Variants in SRL observed in about 807,000 individuals in gnomAD.
SRL encodes the protein sarcalumenin.
In SRL, 23 loss-of-function variants were observed where a neutral mutation model predicts 39.5. The observed-to-expected ratio is 0.58, with a 90% CI of 0.42 to 0.82. The LOEUF (loss-of-function observed/expected upper bound fraction) is 0.82, where lower values mean the gene tolerates loss of function less well. Among genes scored for constraint, SRL ranks in the 40% least tolerant of loss-of-function variants. The probability of loss-of-function intolerance (pLI) is 0.00; values close to 1 mark genes in which losing one functional copy is unlikely to be tolerated. For synonymous variants in SRL, 272 were observed against 237.4 expected, an observed-to-expected ratio of 1.15 and a Z score of -1.34; for missense variants, 592 against 607.8, an observed-to-expected ratio of 0.97 and a Z score of 0.27.
intron 3 of SRL, among the ~76,000 whole-genome samples, chr16:4,200,622 G>A (rs1462076866): frequency 1.3e-5 from 2 of 152,316 alleles, no homozygotes. Flanking sequence ...CCAAGACTCC[G>A]GGTCTTAGGG....
intron 1 of SRL, 130 bp downstream of exon 1, chr16:4,241,877 A>T (rs2052776680): frequency 1.1e-6 from 1 of 940,522 alleles, no homozygotes; most frequent in African/African-American, 1.6e-5. Flanking sequence ...AGAGAAGGGT[A>T]AGAAGACACC....
chr16:4,238,355 C>A (rs2052734677), intron 1 of SRL, among the ~76,000 whole-genome samples: 1 of 152,144 alleles, frequency 6.6e-6, no homozygotes, highest in Admixed American at 6.5e-5. Context: ...ACGGAAACAG[C>A]TGTCCCCCTC....
At chr16:4,241,386 G>A (rs1052712950) in intron 1 of SRL, among the ~76,000 whole-genome samples, 1 of 152,172 alleles carries the variant, frequency 6.6e-6, no homozygotes, top group African/African-American at 2.4e-5. Context: ...TCTGATGGAA[G>A]CCCCCACCCC....
chr16:4,221,050 A>AT lies in SRL; in HGVS notation c.62-16417dup, dbSNP rs1419162471. 3.6e-4 allele frequency among the ~76,000 whole-genome samples: 54 copies of AT among 150,170 alleles called. 1 individual carries two copies. The highest frequency in any genetic ancestry group is 1.3e-3 in the African/African-American group (51 of 40,732). On this transcript the variant is annotated intron_variant, in intron 1 of 5. Coordinates refer to ENST00000399609, the MANE Select transcript of SRL (RefSeq NM_001098814.2). ...ATCGCCTGGGACCATGGGCTATTCC[A>AT]TTATTTTTTTTTTTTCGATACGGAG...
chr16:4,204,054 C>T (rs559595980), intron 2 of SRL, among the ~76,000 whole-genome samples: 2 of 152,326 alleles, frequency 1.3e-5, no homozygotes, highest in South Asian at 4.1e-4. Context: ...CCTCGATCCG[C>T]CACCCTCTAG....
At chr16:4,235,470 A>C (rs1420540128) in intron 1 of SRL, among the ~76,000 whole-genome samples, 1 of 152,210 alleles carries the variant, frequency 6.6e-6, no homozygotes, top group Non-Finnish European at 1.5e-5. Flanking sequence ...CCAAGGCAGG[A>C]GAATCACTTG....
intron 1 of SRL, among the ~76,000 whole-genome samples, chr16:4,213,666 C>G (rs1054442694): frequency 5.9e-5 from 9 of 152,086 alleles, no homozygotes; most frequent in African/African-American, 1.7e-4. Context: ...CCACCTCAGC[C>G]TCCCAAAGTG....
chr16:4,233,898 G>T (rs1048573820), intron 1 of SRL, among the ~76,000 whole-genome samples: 1 of 151,988 alleles, frequency 6.6e-6, no homozygotes, highest in South Asian at 2.1e-4. Context: ...CCTAAAGGGG[G>T]ACTCCCTTTA....
chr16:4,215,644 C>T (rs2052450512), intron 1 of SRL, among the ~76,000 whole-genome samples: 1 of 152,168 alleles, frequency 6.6e-6, no homozygotes, highest in African/African-American at 2.4e-5. Flanking sequence ...TAAGTCTACC[C>T]TAGGACAGTG....
intron 1 of SRL, among the ~76,000 whole-genome samples, chr16:4,212,798 C>G (rs980266598): frequency 2.0e-5 from 3 of 152,092 alleles, no homozygotes; most frequent in African/African-American, 7.2e-5. Flanking sequence ...CTGCCACCAG[C>G]CTTTCTCGGG....
intron 1 of SRL, among the ~76,000 whole-genome samples, chr16:4,233,557 T>C (rs1164632098): frequency 6.6e-6 from 1 of 152,034 alleles, no homozygotes; most frequent in East Asian, 1.9e-4. Context: ...CATAGACTGC[T>C]GGTGGGGGGG....
intron 2 of SRL, among the ~76,000 whole-genome samples, chr16:4,203,718 C>T (rs2052270791): frequency 1.3e-5 from 2 of 152,088 alleles, no homozygotes; most frequent in South Asian, 2.1e-4. Context: ...CTCTCTCCTC[C>T]TTCCTCACCT....
At chr16:4,194,774 G>A (rs1182801902) in intron 5 of SRL, among the ~76,000 whole-genome samples, 3 of 152,128 alleles carry the variant, frequency 2.0e-5, no homozygotes, top group Admixed American at 6.5e-5. Flanking sequence ...AAACCCAGAT[G>A]GCATCGCAGT....
intron 1 of SRL, chr16:4,207,224 A>C (rs1264088446): frequency 2.2e-6 from 1 of 456,642 alleles, no homozygotes; most frequent in African/African-American, 2.0e-5. Context: ...CACTTCCATC[A>C]CCACTTTCCT....
chr16:4,213,404 C>CTTTTTTT (rs1176583909), intron 1 of SRL, among the ~76,000 whole-genome samples: 185 of 69,582 alleles, frequency 2.7e-3, no homozygotes, highest in East Asian at 4.0e-3. Flanking sequence ...TTTTCTTTTT[C>CTTTTTTT]TTTTTTTTTT....
chr16:4,209,358 C>T (rs551203225), intron 1 of SRL, among the ~76,000 whole-genome samples: 1 of 152,258 alleles, frequency 6.6e-6, no homozygotes, highest in East Asian at 1.9e-4. Flanking sequence ...TTATGGGGGA[C>T]ATTGCAGGCT....
chr16:4,237,227 C>T lies in SRL; in HGVS notation c.61+4780G>A, dbSNP rs539951694. Among the ~76,000 whole-genome samples, 329 of 152,316 alleles carry T rather than the reference C, an allele frequency of 2.2e-3. 1 individual carries two copies. Among genetic ancestry groups the T allele is most frequent in the African/African-American group, 7.4e-3 (309 of 41,570 alleles). On this transcript the variant is annotated intron_variant, in intron 1 of 5. Transcript: ENST00000399609. ...AAAGTGCTGGGATTACAGGTGTGAG[C>T]CACTTCATCCAAGCCCAAACTGGAC...
At chr16:4,226,895 GATGGATGA>G (rs1041543141) in intron 1 of SRL, among the ~76,000 whole-genome samples, 39 of 152,066 alleles carry the variant, frequency 2.6e-4, no homozygotes, top group South Asian at 4.2e-4. Flanking sequence ...TGAATGGAAG[GATGGATGA>G]ATGGATGAAT....
intron 3 of SRL, among the ~76,000 whole-genome samples, chr16:4,202,509 C>T (rs2052249840): frequency 1.3e-5 from 2 of 151,492 alleles, no homozygotes; most frequent in African/African-American, 4.9e-5. Context: ...AGAAGAATGG[C>T]GTGAACCTGG....
Sources: allele counts gnomAD v4.1 joint callset (sites outside exome capture counted in the v4.1 genomes callset), GRCh38; gene constraint gnomAD v4.1.1; transcripts MANE v1.5; gene names NCBI Gene and HGNC (gene_info 2026-07-23, HGNC 2026-07-21).